TIAM2: variants seen among roughly 807,000 people sequenced by gnomAD.
TIAM2 encodes TIAM Rac1 associated GEF 2.
A neutral mutation model predicts 152.9 loss-of-function variants in TIAM2; 80 were observed. The ratio of observed to expected loss-of-function variants is 0.52; its 90% CI spans 0.44 to 0.63. The LOEUF is 0.63. Among genes scored for constraint, TIAM2 ranks in the 30% least tolerant of loss-of-function variants. The pLI is 0.00. For missense variants in TIAM2, 1,965 were observed against 2,120.1 expected, an observed-to-expected ratio of 0.93 and a Z score of 1.44; for synonymous variants, 804 against 838.0, an observed-to-expected ratio of 0.96 and a Z score of 0.70.
intron 2 of TIAM2, among the ~76,000 whole-genome samples, chr6:155,100,930 A>C (rs896998066): frequency 2.0e-5 from 3 of 152,182 alleles, no homozygotes; most frequent in African/African-American, 7.2e-5. Context: ...AGGGACTCTA[A>C]ATTGTGGGCC....
At chr6:155,099,868 GCTATATGGCATAGC>G in intron 2 of TIAM2, among the ~76,000 whole-genome samples, 1 of 152,298 alleles carries the variant, frequency 6.6e-6, no homozygotes, top group East Asian at 1.9e-4. Flanking sequence ...ACACACCCAG[GCTATATGGCATAGC>G]CTATGCTCCT....
intron 15 of TIAM2, among the ~76,000 whole-genome samples, chr6:155,223,517 A>ATTTTTTTTTTTTTTTTTTTTTTTTTT: frequency 7.1e-6 from 1 of 140,864 alleles, no homozygotes. Context: ...ACATCCCCAG[A>ATTTTTTTTTTTTTTTTTTTTTTTTTT]TTTTTTTTTC....
intron 2 of TIAM2, among the ~76,000 whole-genome samples, chr6:155,115,079 C>T (rs928633188): frequency 6.6e-6 from 1 of 151,016 alleles, no homozygotes; most frequent in Admixed American, 6.6e-5. Context: ...CCACCTGCCT[C>T]GGACTCCCAA....
chr6:155,230,079 C>T (rs984930215), intron 15 of TIAM2, among the ~76,000 whole-genome samples: 6 of 152,070 alleles, frequency 3.9e-5, no homozygotes, highest in African/African-American at 1.4e-4. Context: ...ACCTGTACCA[C>T]CGAGAGTACA....
At chr6:155,086,141 G>A (rs1448516154) in intron 1 of TIAM2, among the ~76,000 whole-genome samples, 2 of 152,222 alleles carry the variant, frequency 1.3e-5, no homozygotes, top group African/African-American at 4.8e-5. Context: ...ACTGGAGCAT[G>A]TGAGGAACGC....
intron 14 of TIAM2, among the ~76,000 whole-genome samples, chr6:155,191,986 A>T (rs2115167797): frequency 6.6e-6 from 1 of 152,300 alleles, no homozygotes; most frequent in Admixed American, 6.5e-5. Flanking sequence ...GACTTTGAAG[A>T]TATGATTAAG....
At chr6:155,237,763 G>A (rs1782841676) in intron 15 of TIAM2, among the ~76,000 whole-genome samples, 1 of 152,170 alleles carries the variant, frequency 6.6e-6, no homozygotes. Flanking sequence ...GGAGTGGCTG[G>A]GACTCAGGGC....
chr6:155,123,845 A>G (rs1309881022), intron 2 of TIAM2, among the ~76,000 whole-genome samples: 1 of 152,178 alleles, frequency 6.6e-6, no homozygotes, highest in East Asian at 1.9e-4. Flanking sequence ...GGTCTTTACA[A>G]AAGGAAACAA....
intron 15 of TIAM2, among the ~76,000 whole-genome samples, chr6:155,225,776 T>C (rs774965662): frequency 1.3e-5 from 2 of 152,262 alleles, no homozygotes; most frequent in Non-Finnish European, 2.9e-5. Flanking sequence ...TAAATACTTA[T>C]ATAAATAAAG....
At position 155,252,882 on chromosome 6, in the gene TIAM2, T is replaced by G. The variant is rs898331712; in HGVS notation, c.4120-66T>G. 2.8e-6 allele frequency: 4 copies of G among 1,422,898 alleles called. No homozygotes were observed. The African/African-American group carries it at 4.2e-5, about 15-fold the overall frequency. The allele number at this position is 1,422,898 out of a possible 1,614,324, so 88.1% of individuals were successfully genotyped here. A position where few individuals can be genotyped will look rare whatever the true frequency, so the allele number is the denominator to read the frequency against. ...AGGGAGAACATAAACTTCTATTCAC[T>G]GTGCACACATCCTCCCTCAGTGACA... On this transcript the variant is annotated intron_variant, in intron 23 of 26. Coordinates refer to ENST00000682666, the MANE Select transcript of TIAM2 (RefSeq NM_012454.4).
At chr6:155,103,153 A>G (rs929043097) in intron 2 of TIAM2, among the ~76,000 whole-genome samples, 1 of 152,160 alleles carries the variant, frequency 6.6e-6, no homozygotes, top group Non-Finnish European at 1.5e-5. Flanking sequence ...TAATTTTAGG[A>G]TGGAGAACTA....
intron 3 of TIAM2, 32 bp downstream of exon 3, chr6:155,127,632 T>C (rs1779327988): frequency 2.2e-6 from 1 of 455,790 alleles, no homozygotes; most frequent in African/African-American, 2.0e-5. Flanking sequence ...GGGGGTCACG[T>C]CAAGTTGCAT....
At chr6:155,188,463 G>T (rs936565655) in intron 14 of TIAM2, among the ~76,000 whole-genome samples, 2 of 152,204 alleles carry the variant, frequency 1.3e-5, no homozygotes, top group Admixed American at 1.3e-4. Context: ...TTCTGTTCTA[G>T]TTATTCACAG....
At chr6:155,231,639 C>G (rs1003256717) in intron 15 of TIAM2, among the ~76,000 whole-genome samples, 11 of 152,340 alleles carry the variant, frequency 7.2e-5, no homozygotes, top group African/African-American at 2.4e-4. Flanking sequence ...CAGCTTCCCC[C>G]CAAGCACTAA....
intron 1 of TIAM2, among the ~76,000 whole-genome samples, chr6:155,088,229 T>C (rs1377439228): frequency 6.6e-6 from 1 of 152,190 alleles, no homozygotes; most frequent in East Asian, 1.9e-4. Context: ...TAATGTTTTG[T>C]ATTTTTAGTA....
At chr6:155,256,019 A>AGGGG (rs71558246) in intron 26 of TIAM2, 8 of 146,472 alleles carry the variant, frequency 5.5e-5, no homozygotes, top group Admixed American at 7.8e-5. Context: ...TTAAAAAAAA[A>AGGGG]GGGGGGGGGA....
intron 16 of TIAM2, among the ~76,000 whole-genome samples, chr6:155,240,921 G>A (rs894419138): frequency 1.3e-5 from 2 of 152,166 alleles, no homozygotes; most frequent in African/African-American, 4.8e-5. Context: ...TTAGATCCTT[G>A]GCTTATTTTG....
intron 1 of TIAM2, among the ~76,000 whole-genome samples, chr6:154,997,725 C>G (rs74495594): frequency 0.014 from 2,058 of 144,974 alleles, 29 homozygotes; most frequent in Middle Eastern, 0.054. Flanking sequence ...ACCGCAGCCT[C>G]AGCCTCCCCA....
In TIAM2 at chr6:155,168,856, A is replaced by G. The variant is rs1339314926; in HGVS notation, c.2361+3447A>G. 7.8e-6 allele frequency: 12 copies of G among 1,535,638 alleles called. No homozygotes were observed. The South Asian group carries it at 1.1e-4, about 14-fold the overall frequency. ...CCCCCATCTGTCAGATATTTGATTC[A>G]AGTGGCAGCCATGGATTTTCTGGAA... On this transcript the variant is annotated intron_variant, in intron 9 of 26. Coordinates refer to ENST00000682666, the MANE Select transcript of TIAM2 (RefSeq NM_012454.4).
Sources: allele counts gnomAD v4.1 joint callset (sites outside exome capture counted in the v4.1 genomes callset), GRCh38; gene constraint gnomAD v4.1.1; transcripts MANE v1.5; gene names NCBI Gene and HGNC (gene_info 2026-07-23, HGNC 2026-07-21).